Variants in CALD1 observed in about 807,000 individuals in gnomAD.
The protein encoded by CALD1 is caldesmon.
A neutral mutation model predicts 99.9 loss-of-function variants in CALD1; 33 were observed. The ratio of observed to expected loss-of-function variants is 0.33; its 90% CI spans 0.25 to 0.44. The LOEUF (loss-of-function observed/expected upper bound fraction) is 0.44. Among genes scored for constraint, CALD1 ranks in the 20% least tolerant of loss-of-function variants. The pLI is 1.00. For synonymous variants in CALD1, 310 were observed against 325.0 expected, an observed-to-expected ratio of 0.95 and a Z score of 0.50; for missense variants, 861 against 962.1, an observed-to-expected ratio of 0.89 and a Z score of 1.39.
upstream of CALD1, among the ~76,000 whole-genome samples, chr7:134,775,469 T>A (rs1160973014): frequency 6.6e-6 from 1 of 152,210 alleles, no homozygotes; most frequent in Non-Finnish European, 1.5e-5. Context: ...CCCAGCACTT[T>A]GGGAGGCCGA....
the CALD1 span, among the ~76,000 whole-genome samples, chr7:134,715,673 T>C: frequency 1.3e-5 from 2 of 152,240 alleles, no homozygotes; most frequent in South Asian, 4.1e-4. Flanking sequence ...TTTATGTTTA[T>C]ATTTATTTTC....
intron 3 of CALD1, among the ~76,000 whole-genome samples, chr7:134,913,905 G>A (rs1373318700): frequency 6.6e-6 from 1 of 152,200 alleles, no homozygotes; most frequent in Non-Finnish European, 1.5e-5. Flanking sequence ...CTCTTTGTTA[G>A]TCTCCAGGGC....
At chr7:134,729,425 C>T in the CALD1 span, among the ~76,000 whole-genome samples, 1 of 152,210 alleles carries the variant, frequency 6.6e-6, no homozygotes, top group African/African-American at 2.4e-5. Flanking sequence ...AATCTGTGTC[C>T]TCTGCTGCCT....
chr7:134,771,123 A>T (rs1796874584), intron 1 of CALD1, among the ~76,000 whole-genome samples: 1 of 152,010 alleles, frequency 6.6e-6, no homozygotes, highest in Admixed American at 6.6e-5. Flanking sequence ...GGCTGTAAAT[A>T]TTGGGGTGTT....
chr7:134,960,167 G>T, intron 12 of CALD1, 56 bp downstream of exon 12: 7 of 1,586,068 alleles, frequency 4.4e-6, no homozygotes, highest in Non-Finnish European at 5.2e-6. Context: ...TTTGCATGTC[G>T]ATTTTGATTT....
intron 1 of CALD1, among the ~76,000 whole-genome samples, chr7:134,826,757 T>A (rs1474226405): frequency 6.6e-6 from 1 of 152,188 alleles, no homozygotes; most frequent in Non-Finnish European, 1.5e-5. Context: ...GGGGCCTCCA[T>A]CTCAATATTT....
At chr7:134,925,473 G>C (rs555361424) in intron 3 of CALD1, among the ~76,000 whole-genome samples, 2 of 152,264 alleles carry the variant, frequency 1.3e-5, no homozygotes, top group African/African-American at 4.8e-5. Context: ...AACTGCCCAA[G>C]ATGGGTAATT....
At chr7:134,823,208 C>A (rs1403675732) in intron 1 of CALD1, among the ~76,000 whole-genome samples, 3 of 152,076 alleles carry the variant, frequency 2.0e-5, no homozygotes, top group African/African-American at 7.2e-5. Flanking sequence ...GTAGCTAAGG[C>A]CCGAAGCACT....
At chr7:134,843,651 C>A (rs1680407225) in intron 1 of CALD1, among the ~76,000 whole-genome samples, 1 of 152,312 alleles carries the variant, frequency 6.6e-6, no homozygotes, top group South Asian at 2.1e-4. Flanking sequence ...TTTGTCTTAA[C>A]TATACCTCCT....
intron 2 of CALD1, among the ~76,000 whole-genome samples, chr7:134,860,684 T>C (rs1004174237): frequency 6.6e-6 from 1 of 152,156 alleles, no homozygotes; most frequent in Non-Finnish European, 1.5e-5. Context: ...ATATGGAAAG[T>C]AAAATACTAA....
intron 9 of CALD1, among the ~76,000 whole-genome samples, chr7:134,955,698 A>ACTTC (rs1290264894): frequency 1.3e-5 from 2 of 152,178 alleles, no homozygotes; most frequent in Non-Finnish European, 2.9e-5. Context: ...AACCTTAATT[A>ACTTC]CTTCCTTAGA....
chr7:134,733,713 G>A, the CALD1 span, among the ~76,000 whole-genome samples: 4 of 151,860 alleles, frequency 2.6e-5, no homozygotes, highest in Non-Finnish European at 4.4e-5. Flanking sequence ...GGAGGCTGAG[G>A]CAGGAGAATG....
intron 1 of CALD1, among the ~76,000 whole-genome samples, chr7:134,802,582 T>C (rs1797988844): frequency 6.6e-6 from 1 of 152,166 alleles, no homozygotes; most frequent in African/African-American, 2.4e-5. Flanking sequence ...AAGTTGAAAA[T>C]ATTTTAAGTT....
intron 1 of CALD1, among the ~76,000 whole-genome samples, chr7:134,810,663 A>G (rs1418881853): frequency 6.6e-6 from 1 of 152,098 alleles, no homozygotes; most frequent in Non-Finnish European, 1.5e-5. Flanking sequence ...GTGTGGGCCA[A>G]TTTTTGAAAC....
rs35569742 is a variant in CALD1, at chr7:134,872,357, C to CAAA, written c.71+4576_71+4578dup. On this transcript the variant is annotated intron_variant, in intron 3 of 14. Transcript: ENST00000361675. ...TAAGTGACGGAGTGAGACTCGGTCTCAAAAAAAAAAAAAAAAAAAAAAAAA... is the reference window on the plus strand; with the variant it reads ...TAAGTGACGGAGTGAGACTCGGTCTCAAAAAAAAAAAAAAAAAAAAAAAAAAAA... 1.4e-3 allele frequency among the ~76,000 whole-genome samples: 141 copies of CAAA among 100,310 alleles called. 1 individual carries two copies. Among genetic ancestry groups the CAAA allele is most frequent in the African/African-American group, 3.5e-3 (113 of 32,338 alleles). The allele number at this position is 100,310 out of a possible 152,430, so 65.8% of individuals were successfully genotyped here.
At chr7:134,963,265 A>T (rs1167924978) in intron 13 of CALD1, among the ~76,000 whole-genome samples, 1 of 152,226 alleles carries the variant, frequency 6.6e-6, no homozygotes, top group Admixed American at 6.5e-5. Flanking sequence ...GTGGAATTCT[A>T]CAAAAATAAT....
upstream of CALD1, among the ~76,000 whole-genome samples, chr7:134,779,054 C>T (rs1797000690): frequency 6.6e-6 from 1 of 152,088 alleles, no homozygotes; most frequent in Admixed American, 6.5e-5. Context: ...TCAGCAGACC[C>T]GGGTCCTGTC....
intron 3 of CALD1, among the ~76,000 whole-genome samples, chr7:134,904,491 G>A (rs559569285): frequency 6.6e-6 from 1 of 152,094 alleles, no homozygotes; most frequent in African/African-American, 2.4e-5. Flanking sequence ...TGCGGTGGGA[G>A]GATTGCTTGA....
chr7:134,939,588 A>T (rs969467388), intron 6 of CALD1, among the ~76,000 whole-genome samples: 1 of 152,206 alleles, frequency 6.6e-6, no homozygotes, highest in Non-Finnish European at 1.5e-5. Context: ...CTAGTAATTA[A>T]TCAGATAATA....
Sources: allele counts gnomAD v4.1 joint callset (sites outside exome capture counted in the v4.1 genomes callset), GRCh38; gene constraint gnomAD v4.1.1; transcripts MANE v1.5; gene names NCBI Gene and HGNC (gene_info 2026-07-23, HGNC 2026-07-21).